MBP: variants seen among roughly 807,000 people sequenced by gnomAD.
MBP encodes Golli-MBP.
A neutral mutation model predicts 35.8 loss-of-function variants in MBP; 16 were observed. The observed-to-expected ratio is 0.45, with a 90% CI of 0.30 to 0.68. The LOEUF (loss-of-function observed/expected upper bound fraction) is 0.68, where lower values mean the gene tolerates loss of function less well. Ranked by LOEUF, MBP falls within the 30% of genes least tolerant of loss-of-function variation. MBP has a pLI of 0.08. For missense variants in MBP, 380 were observed against 404.7 expected (o/e 0.94, Z 0.52); for synonymous variants, 143 against 159.6 (o/e 0.90, Z 0.78).
chr18:77,080,546 C>T (rs1018426295), intron 2 of MBP, among the ~76,000 whole-genome samples: 11 of 152,244 alleles, frequency 7.2e-5, no homozygotes, highest in Admixed American at 2.0e-4. Context: ...GCAGATGTCC[C>T]GTAGGGGCAA....
Position 77,020,778 on chromosome 18 carries a change from G to A in MBP, c.140-3510C>T, listed in dbSNP as rs1156323461. 6.6e-6 allele frequency among the ~76,000 whole-genome samples: 1 copy of A among 152,190 alleles called. No homozygotes were observed. Among genetic ancestry groups the A allele is most frequent in the African/African-American group, 2.4e-5 (1 of 41,456 alleles). ...ACAGCGAACCACCCTCCCGGTTAGGGCATGGTGGGTGGGAGCACTCTGGAA... is the reference window on the plus strand; with the variant it reads ...ACAGCGAACCACCCTCCCGGTTAGGACATGGTGGGTGGGAGCACTCTGGAA... On this transcript the variant is annotated intron_variant, in intron 3 of 8. Coordinates refer to ENST00000355994, the MANE Select transcript of MBP (RefSeq NM_001025101.2). The surrounding 1 kb of genome is among the most constrained non-coding windows in gnomAD (Gnocchi z 4.1).
intron 2 of MBP, 90 bp downstream of exon 2, chr18:77,105,121 A>G: frequency 6.1e-6 from 7 of 1,150,714 alleles, no homozygotes; most frequent in Non-Finnish European, 9.1e-6. Flanking sequence ...TAGCAGCAAG[A>G]GCCCATGCCC....
intron 8 of MBP, chr18:76,980,720 C>T (rs1182647629): frequency 1.9e-6 from 1 of 527,956 alleles, no homozygotes; most frequent in Non-Finnish European, 3.4e-6. Context: ...GGGAGTGGTG[C>T]CTGGCATAAC....
chr18:77,097,717 T>C (rs1260042295), intron 2 of MBP, among the ~76,000 whole-genome samples: 3 of 152,024 alleles, frequency 2.0e-5, no homozygotes, highest in African/African-American at 7.3e-5. Flanking sequence ...TCACAGAGGG[T>C]GGCTGTCTCC....
At position 76,988,018 on chromosome 18, in the gene MBP, A is replaced by C; in HGVS notation, c.750+477T>G. On this transcript the variant is annotated intron_variant, in intron 7 of 8. Transcript: ENST00000355994. The surrounding 1 kb of genome is among the most constrained non-coding windows in gnomAD (Gnocchi z 5.2). ...TCTTTGGATTAATGAGGTTATTATAAATCGAGCAACTCTATTTAGCCTCTT... is the reference window on the plus strand; with the variant it reads ...TCTTTGGATTAATGAGGTTATTATACATCGAGCAACTCTATTTAGCCTCTT... The C allele has an allele frequency of 9.6e-6, 13 of 1,354,892 alleles. No homozygotes were observed. Among genetic ancestry groups the C allele is most frequent in the Non-Finnish European group, 1.2e-5 (13 of 1,049,356 alleles). 83.9% of individuals were successfully genotyped at this position (1,354,892 alleles called of 1,614,324 possible). A position where few individuals can be genotyped will look rare whatever the true frequency, so the allele number is the denominator to read the frequency against.
In MBP at chr18:76,989,191, G is replaced by A. The variant is rs1245576434; in HGVS notation, c.682-279C>T. 3.2e-6 allele frequency: 2 copies of A among 626,946 alleles called. No individual in the cohort carries two copies. Among genetic ancestry groups the A allele is most frequent in the Non-Finnish European group, 5.9e-6 (2 of 339,944 alleles). The allele number at this position is 626,946 out of a possible 1,614,324, so 38.8% of individuals were successfully genotyped here. On this transcript the variant is annotated intron_variant, in intron 5 of 8. Transcript: ENST00000355994. This position sits in a 1 kb window ranked among gnomAD's most constrained non-coding sequence, Gnocchi z 4.0. Reference sequence around the variant, plus strand: ...TAGCTGGGGAATGGGCCCATCTTGGGACACTGAGGGAGGCGGCGGACTTTG... The same window carrying A: ...TAGCTGGGGAATGGGCCCATCTTGGAACACTGAGGGAGGCGGCGGACTTTG...
chr18:77,035,273 C>A (rs746675301), intron 3 of MBP, among the ~76,000 whole-genome samples: 6 of 152,234 alleles, frequency 3.9e-5, no homozygotes, highest in Non-Finnish European at 7.3e-5. Flanking sequence ...CCGGGACGTA[C>A]ACACTGCATT....
chr18:77,024,879 C>T (rs1972140235), intron 3 of MBP, among the ~76,000 whole-genome samples: 1 of 152,222 alleles, frequency 6.6e-6, no homozygotes, highest in Non-Finnish European at 1.5e-5. Flanking sequence ...ACCCCAGGCT[C>T]CTTTCCGCAG....
rs771968282 is a variant in MBP, at chr18:77,026,282, A to C, written c.140-9014T>G. 2.0e-4 allele frequency among the ~76,000 whole-genome samples: 30 copies of C among 152,242 alleles called. 1 individual carries two copies. Among genetic ancestry groups the C allele is most frequent in the Non-Finnish European group, 7.3e-5 (5 of 68,042 alleles). ...GCGGGCGTTCTGAGGCTATTGGATG[A>C]GGCTCGCTGGTGATACCTTCTGGGT... is the stretch of plus-strand genomic sequence containing the variant. On this transcript the variant is annotated intron_variant, in intron 3 of 8. Transcript: ENST00000355994.
chr18:77,013,200 G>A lies in MBP; in HGVS notation c.576+3632C>T, dbSNP rs1318645453. ...CTCCACATTTGGATTTTCTCTAGAA[G>A]AATCTGTGGCCAAATCTCTTATCCA... is the stretch of plus-strand genomic sequence containing the variant. On this transcript the variant is annotated intron_variant, in intron 4 of 8. Transcript: ENST00000355994. 3.0e-6 allele frequency: 3 copies of A among 985,314 alleles called. No individual in the cohort carries two copies. The African/African-American group carries it at 5.2e-5, about 17-fold the overall frequency. 61.0% of individuals were successfully genotyped at this position (985,314 alleles called of 1,614,324 possible).
chr18:76,996,768 T>C (rs1043528085), intron 4 of MBP, among the ~76,000 whole-genome samples: 7 of 152,164 alleles, frequency 4.6e-5, no homozygotes, highest in African/African-American at 1.7e-4. Flanking sequence ...TTTGGGGTTG[T>C]GTCCTTATTA....
chr18:77,000,496 T>C (rs1970570239), intron 4 of MBP, among the ~76,000 whole-genome samples: 1 of 152,222 alleles, frequency 6.6e-6, no homozygotes, highest in Non-Finnish European at 1.5e-5. Context: ...CTGAAAAGTT[T>C]TTAAAATCAC....
intron 2 of MBP, among the ~76,000 whole-genome samples, chr18:77,095,148 A>G (rs1318470925): frequency 6.6e-6 from 1 of 152,202 alleles, no homozygotes; most frequent in African/African-American, 2.4e-5. Context: ...AAAGAGTTCT[A>G]AACTCTGCTG....
intron 2 of MBP, among the ~76,000 whole-genome samples, chr18:77,081,764 A>ACACACACACACACACACACACG (rs1974913999): frequency 1.9e-5 from 2 of 106,392 alleles, no homozygotes; most frequent in Admixed American, 9.5e-5. Context: ...ATATATATAT[A>ACACACACACACACACACACACG]TATACACACA....
At chr18:76,990,169 T>G (rs1454999114) in intron 4 of MBP, 109 bp from the exon 5 acceptor site, 2 of 684,594 alleles carry the variant, frequency 2.9e-6, no homozygotes, top group Non-Finnish European at 5.1e-6. Flanking sequence ...TTTTTTTTTT[T>G]TTAACAGTCA....
At chr18:77,062,438 T>C (rs1318759751) in intron 3 of MBP, among the ~76,000 whole-genome samples, 2 of 152,036 alleles carry the variant, frequency 1.3e-5, no homozygotes, top group Admixed American at 6.5e-5. Context: ...CTCTAGGTTG[T>C]CGTGCCTTAG....
intron 2 of MBP, among the ~76,000 whole-genome samples, chr18:77,068,319 A>G (rs1290734067): frequency 6.6e-6 from 1 of 152,180 alleles, no homozygotes; most frequent in Admixed American, 6.5e-5. Flanking sequence ...CCAAGCCCAA[A>G]TGAAGATCTT....
At chr18:77,092,579 C>G (rs1166459158) in intron 2 of MBP, among the ~76,000 whole-genome samples, 1 of 152,088 alleles carries the variant, frequency 6.6e-6, no homozygotes, top group African/African-American at 2.4e-5. Flanking sequence ...CCCTGCTCTG[C>G]CGGTTTTGTG....
At chr18:77,024,540 G>A (rs1025106649) in intron 3 of MBP, among the ~76,000 whole-genome samples, 1 of 152,240 alleles carries the variant, frequency 6.6e-6, no homozygotes, top group Non-Finnish European at 1.5e-5. Flanking sequence ...TTATGCTTTT[G>A]GATGTGTTGC....
Sources: gnomAD v4.1 joint callset for allele counts (sites outside exome capture counted in the v4.1 genomes callset) on GRCh38, gnomAD v4.1.1 for gene constraint, Gnocchi (gnomAD v3.1) non-coding constraint, MANE v1.5 for transcripts, NCBI Gene and HGNC (gene_info 2026-07-23, HGNC 2026-07-21) for gene names.